Variants in PRKCA observed in about 807,000 individuals in gnomAD.
PRKCA encodes the protein protein kinase C alpha type.
Under a neutral mutation model 87.0 loss-of-function variants are expected in PRKCA, and 27 were observed. The observed-to-expected ratio is 0.31, with a 90% confidence interval of 0.23 to 0.43. The LOEUF is 0.43. Among genes scored for constraint, PRKCA ranks in the 20% least tolerant of loss-of-function variants. The pLI, the probability that PRKCA is intolerant of heterozygous loss-of-function variation, is 1.00. For missense variants in PRKCA, 518 were observed against 852.3 expected (o/e 0.61, Z 4.88); for synonymous variants, 329 against 311.1 (o/e 1.06, Z -0.61).
intron 3 of PRKCA, among the ~76,000 whole-genome samples, chr17:66,524,504 C>T (rs924217572): frequency 9.9e-5 from 15 of 152,182 alleles, no homozygotes; most frequent in Admixed American, 2.6e-4. Context: ...TGAGATGACC[C>T]ATATGTACAG....
chr17:66,595,509 G>C (rs1969948350), intron 3 of PRKCA, among the ~76,000 whole-genome samples: 1 of 133,040 alleles, frequency 7.5e-6, no homozygotes, highest in Admixed American at 9.0e-5. Flanking sequence ...ACCCAGGCTG[G>C]AGTGCAGTGG....
At chr17:66,701,071 C>T (rs1484254394) in intron 8 of PRKCA, among the ~76,000 whole-genome samples, 1 of 152,126 alleles carries the variant, frequency 6.6e-6, no homozygotes, top group African/African-American at 2.4e-5. Flanking sequence ...ATAATCAACA[C>T]AGTATGGTAC....
intron 8 of PRKCA, among the ~76,000 whole-genome samples, chr17:66,725,368 G>A (rs868490876): frequency 6.6e-6 from 1 of 152,168 alleles, no homozygotes; most frequent in Non-Finnish European, 1.5e-5. Flanking sequence ...TGCTTAATGA[G>A]CACAAATGTG....
At chr17:66,604,901 T>C (rs1033703889) in intron 3 of PRKCA, among the ~76,000 whole-genome samples, 1 of 151,908 alleles carries the variant, frequency 6.6e-6, no homozygotes, top group African/African-American at 2.4e-5. Context: ...TGCCAAGTTG[T>C]TTCTTGGCAG....
At chr17:66,511,707 G>A (rs970984888) in intron 3 of PRKCA, among the ~76,000 whole-genome samples, 2 of 149,720 alleles carry the variant, frequency 1.3e-5, no homozygotes, top group Non-Finnish European at 3.0e-5. Flanking sequence ...TTGAGATGGA[G>A]TCTCGCTCTG....
chr17:66,751,237 C>T (rs1974419940), intron 13 of PRKCA, among the ~76,000 whole-genome samples: 1 of 152,244 alleles, frequency 6.6e-6, no homozygotes, highest in Non-Finnish European at 1.5e-5. Flanking sequence ...CCTGTTATCA[C>T]ATTTAATTCT....
Position 66,805,051 on chromosome 17 carries a change from A to C in PRKCA, c.*1014A>C, listed in dbSNP as rs1210664309. On this transcript the variant is annotated 3_prime_UTR_variant, in exon 17 of 17. Coordinates refer to ENST00000413366, the MANE Select transcript of PRKCA (RefSeq NM_002737.3). ...ATGAAAGTACGATGTACAGTAACTTAATGGAAGTGCTGACTCTAGCATCAG... is the reference window on the plus strand; with the variant it reads ...ATGAAAGTACGATGTACAGTAACTTCATGGAAGTGCTGACTCTAGCATCAG... 1.0e-6 allele frequency: 1 copy of C among 982,672 alleles called. No homozygotes were observed. The highest frequency in any genetic ancestry group is 1.2e-6 in the Non-Finnish European group (1 of 827,374). The allele number at this position is 982,672 out of a possible 1,614,324, so 60.9% of individuals were successfully genotyped here. A position where few individuals can be genotyped will look rare whatever the true frequency, so the allele number is the denominator to read the frequency against.
intron 2 of PRKCA, among the ~76,000 whole-genome samples, chr17:66,316,758 C>T (rs949920353): frequency 5.3e-5 from 8 of 151,844 alleles, no homozygotes; most frequent in Non-Finnish European, 1.5e-5. Flanking sequence ...AGGGTCTTAC[C>T]GCATGGAAAT....
chr17:66,568,330 A>G (rs1968961049), intron 3 of PRKCA, among the ~76,000 whole-genome samples: 2 of 152,122 alleles, frequency 1.3e-5, no homozygotes, highest in Non-Finnish European at 1.5e-5. Flanking sequence ...CCCCCAAAAA[A>G]TAGATGTGCA....
At chr17:66,423,809 C>T (rs1456308747) in intron 2 of PRKCA, among the ~76,000 whole-genome samples, 4 of 143,326 alleles carry the variant, frequency 2.8e-5, no homozygotes, top group South Asian at 4.4e-4. Flanking sequence ...TCCCTGGAGC[C>T]GAATGTGTTT....
chr17:66,305,802 A>G (rs1904783410), intron 1 of PRKCA, among the ~76,000 whole-genome samples: 1 of 152,228 alleles, frequency 6.6e-6, no homozygotes, highest in Non-Finnish European at 1.5e-5. Flanking sequence ...GTTTGAATAT[A>G]CAGTCATGTT....
At chr17:66,309,160 T>C (rs1158141839) in intron 2 of PRKCA, among the ~76,000 whole-genome samples, 1 of 152,226 alleles carries the variant, frequency 6.6e-6, no homozygotes, top group African/African-American at 2.4e-5. Flanking sequence ...ATGCTCCCAG[T>C]GACTCACATA....
intron 2 of PRKCA, among the ~76,000 whole-genome samples, chr17:66,338,242 T>C (rs897105108): frequency 6.6e-6 from 1 of 152,048 alleles, no homozygotes; most frequent in African/African-American, 2.4e-5. Context: ...CCAGAAAACA[T>C]TGGTTTTCTT....
intron 2 of PRKCA, among the ~76,000 whole-genome samples, chr17:66,437,758 G>A (rs1057096385): frequency 6.8e-6 from 1 of 147,508 alleles, no homozygotes; most frequent in Non-Finnish European, 1.5e-5. Context: ...GGGCGGGGGC[G>A]GCTTCAAACT....
chr17:66,566,082 G>C (rs190050238), intron 3 of PRKCA, among the ~76,000 whole-genome samples: 270 of 152,214 alleles, frequency 1.8e-3, no homozygotes, highest in African/African-American at 5.9e-3. Flanking sequence ...GGGGTAGGAC[G>C]GATAGGTGGG....
chr17:66,350,557 C>T (rs766037398), intron 2 of PRKCA, among the ~76,000 whole-genome samples: 2 of 152,132 alleles, frequency 1.3e-5, no homozygotes, highest in Admixed American at 6.5e-5. Context: ...GGATCTTACT[C>T]TCTCACCCAG....
chr17:66,605,324 G>C lies in PRKCA; in HGVS notation c.289-36031G>C, dbSNP rs180870503. On this transcript the variant is annotated intron_variant, in intron 3 of 16. Transcript: ENST00000413366. ...TGAGACCTGTGGGACTCCAAAGCTG[G>C]TGCTTTTCTCATTAGAACATGATTT... Among the ~76,000 whole-genome samples the C allele has an allele frequency of 2.6e-5, 4 of 152,254 alleles. No homozygotes were observed. In the East Asian group the frequency reaches 7.7e-4, roughly 29 times the overall value.
At chr17:66,748,357 G>T (rs1204379432) in intron 13 of PRKCA, among the ~76,000 whole-genome samples, 2 of 152,190 alleles carry the variant, frequency 1.3e-5, no homozygotes, top group Admixed American at 6.5e-5. Context: ...GTATACAAGT[G>T]AAATTCAGCC....
At chr17:66,434,355 CATGAGCCTCACAGTGCTAAG>C in intron 2 of PRKCA, among the ~76,000 whole-genome samples, 1 of 151,996 alleles carries the variant, frequency 6.6e-6, no homozygotes, top group Non-Finnish European at 1.5e-5. Context: ...GTGAAGACAT[CATGAGCCTCACAGTGCTAAG>C]AGGGACCTGA....
Sources: allele counts gnomAD v4.1 joint callset (sites outside exome capture counted in the v4.1 genomes callset), GRCh38; gene constraint gnomAD v4.1.1; transcripts MANE v1.5; gene names NCBI Gene and HGNC (gene_info 2026-07-23, HGNC 2026-07-21).